CCDC83: variants seen among roughly 807,000 people sequenced by gnomAD.
CCDC83 encodes the protein coiled-coil domain-containing protein 83.
A neutral mutation model predicts 50.1 loss-of-function variants in CCDC83; 54 were observed. The ratio of observed to expected loss-of-function variants is 1.08; its 90% CI spans 0.87 to 1.35. The LOEUF (loss-of-function observed/expected upper bound fraction) is 1.35, where lower values mean the gene tolerates loss of function less well. CCDC83 is among the 40% of genes most tolerant of loss of function. The pLI is 0.00. For missense variants in CCDC83, 518 were observed against 473.9 expected (o/e 1.09, Z -0.86); for synonymous variants, 161 against 153.3 (o/e 1.05, Z -0.37).
At chr11:85,875,458 CTATT>C (rs373132015) in intron 3 of CCDC83, among the ~76,000 whole-genome samples, 18 of 152,344 alleles carry the variant, frequency 1.2e-4, no homozygotes, top group Admixed American at 2.6e-4. Flanking sequence ...AAAAACCAAT[CTATT>C]TATTTATGCC....
At position 85,916,432 on chromosome 11, in the gene CCDC83, C is replaced by T. The variant is rs2093477485; in HGVS notation, c.1080+199C>T. On this transcript the variant is annotated intron_variant, in intron 10 of 10. Transcript: ENST00000342404. Reference sequence around the variant, plus strand: ...CTTGCCCAATTTGCTACCTATATTCCTCTATAGGCCTCCATTAATAGTATA... The same window carrying T: ...CTTGCCCAATTTGCTACCTATATTCTTCTATAGGCCTCCATTAATAGTATA... 8 of 559,548 alleles carry T rather than the reference C, an allele frequency of 1.4e-5. No homozygotes were observed. The South Asian group carries it at 1.4e-4, about 10-fold the overall frequency. 34.7% of individuals were successfully genotyped at this position (559,548 alleles called of 1,614,324 possible).
At chr11:85,909,840 T>C (rs1257653052) in intron 7 of CCDC83, among the ~76,000 whole-genome samples, 4 of 152,114 alleles carry the variant, frequency 2.6e-5, no homozygotes, top group Non-Finnish European at 5.9e-5. Context: ...TTTTTCTTCT[T>C]CTTTTTTACA....
intron 1 of CCDC83, among the ~76,000 whole-genome samples, chr11:85,856,157 A>C (rs913193914): frequency 2.0e-5 from 3 of 149,304 alleles, no homozygotes; most frequent in African/African-American, 7.4e-5. Flanking sequence ...AGTGATTAAG[A>C]GATGGGAAAA....
intron 7 of CCDC83, among the ~76,000 whole-genome samples, chr11:85,906,089 G>A (rs564169249): frequency 1.4e-5 from 2 of 147,436 alleles, no homozygotes; most frequent in Admixed American, 6.7e-5. Context: ...TTTTTGAGAC[G>A]GAGCCTCACT....
rs1265887606 is a variant in CCDC83 at position 85,911,323 on chromosome 11, A to G, written c.715A>G (p.Ile239Val). 2 of 1,610,806 alleles carry G rather than the reference A, an allele frequency of 1.2e-6. No homozygotes were observed. The highest frequency in any genetic ancestry group is 1.7e-6 in the Non-Finnish European group (2 of 1,178,168). Residue 239 changes from isoleucine to valine, a missense_variant, in exon 8 of 11, where the codon ATT becomes GTT. Physicochemically the swap from Ile to Val is conservative, Grantham distance 29. Coordinates refer to ENST00000342404, the MANE Select transcript of CCDC83 (RefSeq NM_001286159.2). ...RKEVEELKNA[I>V]HELEAENLVL... ...GGAAGTTGAAGAATTAAAAAATGCT[A>G]TTCATGAACTGGAAGCAGAAAATTT...
intron 7 of CCDC83, among the ~76,000 whole-genome samples, chr11:85,907,522 T>C (rs942097574): frequency 5.3e-5 from 8 of 152,194 alleles, no homozygotes; most frequent in Admixed American, 4.6e-4. Context: ...GGATCCTAGG[T>C]CCCCAACTTA....
intron 1 of CCDC83, among the ~76,000 whole-genome samples, chr11:85,858,669 C>T (rs1011189494): frequency 2.6e-5 from 4 of 152,188 alleles, no homozygotes; most frequent in African/African-American, 9.7e-5. Context: ...CTAAGTCAGT[C>T]CTTCCTTAGC....
chr11:85,911,752 T>G (rs1419007613), intron 8 of CCDC83, among the ~76,000 whole-genome samples: 1 of 152,154 alleles, frequency 6.6e-6, no homozygotes, highest in Non-Finnish European at 1.5e-5. Context: ...GGTAGAGAGT[T>G]AGCACAGAGG....
chr11:85,893,111 G>C (rs2093357656), intron 5 of CCDC83, among the ~76,000 whole-genome samples: 1 of 152,080 alleles, frequency 6.6e-6, no homozygotes, highest in South Asian at 2.1e-4. Flanking sequence ...GCCAGAGAAG[G>C]GGAAGAGCCA....
chr11:85,895,125 T>G (rs567465045), intron 5 of CCDC83, among the ~76,000 whole-genome samples, 168 bp from the exon 6 acceptor site: 1 of 107,484 alleles, frequency 9.3e-6, no homozygotes, highest in South Asian at 2.5e-4. Context: ...TCTAGTTAGA[T>G]GAAGTCAGAC....
At chr11:85,876,536 A>T (rs2093270234) in intron 3 of CCDC83, among the ~76,000 whole-genome samples, 1 of 152,038 alleles carries the variant, frequency 6.6e-6, no homozygotes, top group Admixed American at 6.6e-5. Context: ...AGACAGTCTC[A>T]CTCCGTCACC....
chr11:85,859,167 A>AAAC (rs1318780849), intron 1 of CCDC83, among the ~76,000 whole-genome samples: 6 of 148,200 alleles, frequency 4.0e-5, no homozygotes, highest in African/African-American at 7.4e-5. Flanking sequence ...TTAAAAAAAA[A>AAAC]AAAAAAAAAA....
At chr11:85,872,573 T>C (rs575522991) in intron 2 of CCDC83, among the ~76,000 whole-genome samples, 35 of 152,236 alleles carry the variant, frequency 2.3e-4, no homozygotes, top group African/African-American at 6.3e-4. Flanking sequence ...TGAGCCACCA[T>C]GCCTGGCACA....
At chr11:85,884,156 A>G (rs1471303059) in intron 4 of CCDC83, among the ~76,000 whole-genome samples, 3 of 152,196 alleles carry the variant, frequency 2.0e-5, no homozygotes, top group Non-Finnish European at 4.4e-5. Context: ...TGTGTCATAC[A>G]AGACTGGGCC....
At chr11:85,908,992 G>C (rs919919527) in intron 7 of CCDC83, among the ~76,000 whole-genome samples, 3 of 152,142 alleles carry the variant, frequency 2.0e-5, no homozygotes, top group African/African-American at 7.2e-5. Context: ...GAAGTGTCAT[G>C]GTGCAGTCAT....
intron 3 of CCDC83, among the ~76,000 whole-genome samples, chr11:85,880,059 G>A (rs2093291266): frequency 6.6e-6 from 1 of 151,950 alleles, no homozygotes; most frequent in Non-Finnish European, 1.5e-5. Context: ...CTTTATTCTT[G>A]TTTTTCAAAA....
intron 3 of CCDC83, among the ~76,000 whole-genome samples, chr11:85,878,912 G>C (rs1201611729): frequency 6.6e-6 from 1 of 152,040 alleles, no homozygotes; most frequent in African/African-American, 2.4e-5. Flanking sequence ...GTTTTAATTT[G>C]CATTTCCCTA....
intron 1 of CCDC83, among the ~76,000 whole-genome samples, chr11:85,863,336 T>C (rs974570918): frequency 6.6e-6 from 1 of 152,234 alleles, no homozygotes; most frequent in African/African-American, 2.4e-5. Flanking sequence ...AATCTTCTCT[T>C]AGCTGATAAT....
chr11:85,919,080 C>CTA (rs1332006044), intron 10 of CCDC83, among the ~76,000 whole-genome samples: 2 of 152,146 alleles, frequency 1.3e-5, no homozygotes, highest in African/African-American at 2.4e-5. Context: ...CATTAACCCA[C>CTA]TATGAGACAA....
Sources: allele counts gnomAD v4.1 joint callset (sites outside exome capture counted in the v4.1 genomes callset), GRCh38; gene constraint gnomAD v4.1.1; transcripts MANE v1.5; gene names NCBI Gene and HGNC (gene_info 2026-07-23, HGNC 2026-07-21).